The following RSBN1L variants were observed in gnomAD, a reference collection of about 807,000 sequenced individuals.
RSBN1L encodes round spermatid basic protein 1 like, also known as lysine-specific demethylase RSBN1L.
RSBN1L carries 30 observed loss-of-function variants against 67.7 expected under a neutral mutation model. The ratio of observed to expected loss-of-function variants is 0.44; its 90% CI spans 0.33 to 0.60. The LOEUF (loss-of-function observed/expected upper bound fraction) is 0.60, where lower values mean the gene tolerates loss of function less well. Ranked by LOEUF, RSBN1L falls within the 20% of genes least tolerant of loss-of-function variation. The pLI is 0.02. For missense variants in RSBN1L, 992 were observed against 1,031.7 expected (o/e 0.96, Z 0.53); for synonymous variants, 433 against 387.0 (o/e 1.12, Z -1.39).
At chr7:77,705,952 G>A (rs1790885922) in intron 1 of RSBN1L, among the ~76,000 whole-genome samples, 3 of 152,120 alleles carry the variant, frequency 2.0e-5, no homozygotes, top group East Asian at 3.9e-4. Context: ...CAAGGCTGGA[G>A]TGCTGTGATG....
At chr7:77,766,853 C>T (rs1160983315) in intron 4 of RSBN1L, among the ~76,000 whole-genome samples, 2 of 152,008 alleles carry the variant, frequency 1.3e-5, no homozygotes. Context: ...TCCTTTTAAA[C>T]TTTTTGTTCC....
chr7:77,700,586 T>C (rs1020546312), intron 1 of RSBN1L, among the ~76,000 whole-genome samples: 1 of 152,234 alleles, frequency 6.6e-6, no homozygotes. Context: ...AACTACACTC[T>C]CCTCCAGTAT....
chr7:77,744,521 G>T (rs1791456613), intron 2 of RSBN1L, among the ~76,000 whole-genome samples: 1 of 151,944 alleles, frequency 6.6e-6, no homozygotes, highest in Non-Finnish European at 1.5e-5. Flanking sequence ...TCGTCACCCA[G>T]TTTGGAGTGC....
intron 2 of RSBN1L, among the ~76,000 whole-genome samples, chr7:77,749,117 G>T (rs1377732308): frequency 6.6e-6 from 1 of 152,088 alleles, no homozygotes; most frequent in Non-Finnish European, 1.5e-5. Flanking sequence ...AGCTGGGCAT[G>T]GTGACGCGCT....
intron 1 of RSBN1L, among the ~76,000 whole-genome samples, chr7:77,703,477 G>GTTTT (rs71529102): frequency 0.021 from 1,306 of 61,626 alleles, 196 homozygotes; most frequent in East Asian, 0.059. Context: ...TACTGTTTGG[G>GTTTT]TTTTTTTTTT....
chr7:77,778,549 A>G lies in RSBN1L; in HGVS notation c.1922A>G (p.Asp641Gly). 6.2e-7 allele frequency: 1 copy of G among 1,612,790 alleles called. No individual in the cohort carries two copies. The highest frequency in any genetic ancestry group is 8.5e-7 in the Non-Finnish European group (1 of 1,179,154). The change falls in exon 8 of 8, where the codon GAT becomes GGT. Residue 641 changes from aspartate (D) to glycine (G), a missense_variant. Coordinates refer to ENST00000334955, the MANE Select transcript of RSBN1L (RefSeq NM_198467.3). ...TTTTAGTGTGTCCAATGGGTTGATG[A>G]TGCAAAACTGAATCAACTGAGGAGG... ...PLSQCVQWVD[D>G]AKLNQLRREG...
intron 4 of RSBN1L, among the ~76,000 whole-genome samples, chr7:77,766,407 A>G (rs1000848482): frequency 6.6e-6 from 1 of 151,670 alleles, no homozygotes; most frequent in Non-Finnish European, 1.5e-5. Context: ...CTGGTCTTGA[A>G]CTCTTGGACT....
chr7:77,712,461 G>T (rs189132668), intron 1 of RSBN1L, among the ~76,000 whole-genome samples: 1 of 151,870 alleles, frequency 6.6e-6, no homozygotes, highest in Admixed American at 6.6e-5. Flanking sequence ...TTGTATATTT[G>T]TGGAGACGGG....
At chr7:77,733,774 A>G (rs1185958579) in intron 1 of RSBN1L, among the ~76,000 whole-genome samples, 3 of 152,160 alleles carry the variant, frequency 2.0e-5, no homozygotes, top group Admixed American at 6.6e-5. Flanking sequence ...TTTATTCTGA[A>G]AAATATTTAT....
At chr7:77,761,469 G>A (rs986299420) in intron 3 of RSBN1L, among the ~76,000 whole-genome samples, 6 of 152,154 alleles carry the variant, frequency 3.9e-5, no homozygotes, top group Non-Finnish European at 8.8e-5. Flanking sequence ...GCATAGTCTG[G>A]ATAGGTGATT....
intron 5 of RSBN1L, 128 bp from the exon 6 acceptor site, chr7:77,773,019 C>A (rs1791868128): frequency 1.9e-6 from 1 of 527,888 alleles, no homozygotes. Flanking sequence ...TGTTCGTGTT[C>A]ATTTTAAAGA....
At chr7:77,699,592 A>G (rs1790786397) in intron 1 of RSBN1L, among the ~76,000 whole-genome samples, 1 of 152,312 alleles carries the variant, frequency 6.6e-6, no homozygotes, top group Non-Finnish European at 1.5e-5. Flanking sequence ...TAGAGGAAGG[A>G]TCATTGACAG....
chr7:77,761,118 T>C (rs1791692823), intron 3 of RSBN1L, among the ~76,000 whole-genome samples: 1 of 152,256 alleles, frequency 6.6e-6, no homozygotes, highest in South Asian at 2.1e-4. Context: ...TAGTTTTAAG[T>C]ATTAAGATTT....
chr7:77,749,344 T>C (rs998439567), intron 2 of RSBN1L, 80 bp from the exon 3 acceptor site: 5 of 1,083,012 alleles, frequency 4.6e-6, no homozygotes, highest in African/African-American at 1.6e-5. Flanking sequence ...GTAAACTTCT[T>C]ACTTAGACAA....
chr7:77,718,379 C>T (rs1009478291), intron 1 of RSBN1L, among the ~76,000 whole-genome samples: 7 of 152,148 alleles, frequency 4.6e-5, no homozygotes, highest in African/African-American at 1.7e-4. Context: ...ACGGCTTCAA[C>T]TTCTGGGCTC....
chr7:77,719,336 G>A (rs888562296), intron 1 of RSBN1L, among the ~76,000 whole-genome samples: 2 of 152,168 alleles, frequency 1.3e-5, no homozygotes, highest in Non-Finnish European at 2.9e-5. Context: ...CAAGTACAAC[G>A]AGAGTCTGGT....
chr7:77,731,376 C>T (rs1701284196), intron 1 of RSBN1L, among the ~76,000 whole-genome samples: 1 of 152,092 alleles, frequency 6.6e-6, no homozygotes, highest in Admixed American at 6.6e-5. Flanking sequence ...GCTGGGACTA[C>T]AGGCACGCAC....
chr7:77,712,286 G>T (rs1041809995), intron 1 of RSBN1L, among the ~76,000 whole-genome samples: 1 of 149,918 alleles, frequency 6.7e-6, no homozygotes, highest in Non-Finnish European at 1.5e-5. Flanking sequence ...ATACATACAT[G>T]ATTTTTTTTT....
intron 2 of RSBN1L, among the ~76,000 whole-genome samples, chr7:77,742,573 C>T (rs1177577904): frequency 1.3e-5 from 2 of 152,098 alleles, no homozygotes; most frequent in East Asian, 3.9e-4. Flanking sequence ...TGTGGTGGCT[C>T]ACACCTGTAA....
Sources: allele counts gnomAD v4.1 joint callset (sites outside exome capture counted in the v4.1 genomes callset), GRCh38; gene constraint gnomAD v4.1.1; transcripts MANE v1.5; gene names NCBI Gene and HGNC (gene_info 2026-07-23, HGNC 2026-07-21).